Variants in PUDP observed in about 807,000 individuals in gnomAD.
PUDP encodes pseudouridine-5'-phosphatase.
PUDP carries 8 observed loss-of-function variants against 9.4 expected under a neutral mutation model. That is an observed-to-expected ratio of 0.85 (90% confidence interval 0.50 to 1.53). PUDP has a LOEUF of 1.53. Ranked by LOEUF, PUDP falls within the 40% of genes most tolerant of loss-of-function variation. The pLI, the probability that PUDP is intolerant of heterozygous loss-of-function variation, is 0.00. For missense variants in PUDP, 188 were observed against 189.7 expected (o/e 0.99, Z 0.05); for synonymous variants, 99 against 80.7 (o/e 1.23, Z -1.22).
intron 1 of PUDP, among the ~76,000 whole-genome samples, chrX:7,003,082 A>G (rs1929350033): frequency 8.9e-6 from 1 of 112,079 alleles, no homozygotes; most frequent in Non-Finnish European, 1.9e-5. Flanking sequence ...GTGGGACTGG[A>G]TATTCCAATT....
intron 2 of PUDP, among the ~76,000 whole-genome samples, chrX:7,098,383 G>A (rs1931633693): frequency 9.0e-6 from 1 of 111,630 alleles, no homozygotes; most frequent in Admixed American, 9.4e-5. Context: ...AGGTGACAGA[G>A]GAATGGAAGA....
chrX:6,781,557 T>G (rs1925563212), intron 3 of PUDP, among the ~76,000 whole-genome samples: 1 of 112,278 alleles, frequency 8.9e-6, no homozygotes, highest in Non-Finnish European at 1.9e-5. Flanking sequence ...GTTTTTGAGC[T>G]GCCTACACCT....
chrX:6,747,030 CAA>C (rs1925007901), intron 3 of PUDP, among the ~76,000 whole-genome samples: 2 of 111,476 alleles, frequency 1.8e-5, no homozygotes, highest in Admixed American at 1.9e-4. Flanking sequence ...ACATTCCCAC[CAA>C]GAGTGTAAAA....
At chrX:6,817,446 A>T (rs1926270204) in intron 3 of PUDP, among the ~76,000 whole-genome samples, 1 of 111,520 alleles carries the variant, frequency 9.0e-6, no homozygotes, top group African/African-American at 3.3e-5. Context: ...CAATTATCAA[A>T]CTATCTCCAA....
Position 7,050,394 on chromosome X carries a change from C to T in PUDP, c.589G>A (p.Gly197Arg), listed in dbSNP as rs755837037. 5.0e-6 allele frequency: 6 copies of T among 1,211,087 alleles called. No homozygotes were observed. In the Admixed American group the frequency reaches 6.5e-5, roughly 13 times the overall value. Residue 197 changes from glycine to arginine, a missense_variant, in exon 4 of 4, where the codon GGA becomes AGA. Physicochemically the swap from Gly to Arg is moderately radical, Grantham distance 125. Transcript: ENST00000381077. ...AGMQVVMVPD[G>R]NLSRDLTTKA... ...GTTGTCAGATCTCGGCTCAAGTTTC[C>T]GTCAGGAACCATGACCACCTGCATC...
intron 3 of PUDP, among the ~76,000 whole-genome samples, chrX:6,900,351 A>T (rs1439515370): frequency 2.0e-5 from 2 of 102,283 alleles, no homozygotes; most frequent in African/African-American, 7.3e-5. Flanking sequence ...TGCTACTGGC[A>T]TCTGGTGGGT....
chrX:7,146,916 T>C (rs1011818159), intron 1 of PUDP, among the ~76,000 whole-genome samples: 1 of 105,966 alleles, frequency 9.4e-6, no homozygotes, highest in Non-Finnish European at 1.9e-5. Flanking sequence ...GAAGGAATGA[T>C]ATACGTAACC....
intron 3 of PUDP, among the ~76,000 whole-genome samples, chrX:6,758,707 C>T (rs1037473686): frequency 1.8e-5 from 2 of 111,211 alleles, no homozygotes; most frequent in African/African-American, 6.5e-5. Flanking sequence ...TGTATTAAGG[C>T]AGAGCCCTCA....
chrX:6,986,198 C>T (rs1456617971), intron 1 of PUDP, among the ~76,000 whole-genome samples: 3 of 112,161 alleles, frequency 2.7e-5, no homozygotes, highest in Middle Eastern at 9.2e-3. Context: ...GCTGACCTGT[C>T]GATGATCAGA....
rs529060310 is a variant in PUDP, at chrX:6,799,704, G to A, written c.*248-93238C>T. 3.0e-4 allele frequency among the ~76,000 whole-genome samples: 34 copies of A among 111,479 alleles called. No individual in the cohort carries two copies. In the South Asian group the frequency reaches 0.012, roughly 39 times the overall value. On this transcript the variant is annotated intron_variant and NMD_transcript_variant, in intron 3 of 3. Coordinates refer to the PUDP transcript ENST00000655425. ...AATACAAAATTAGCCAGACGTGGTG[G>A]TGCATGCCTGTAATCCCAGCTACCA...
chrX:6,937,304 A>T (rs867980627), intron 3 of PUDP, among the ~76,000 whole-genome samples: 2,908 of 101,582 alleles, frequency 0.029, 126 homozygotes, highest in African/African-American at 0.1. Context: ...ATGGAACAGA[A>T]CAGAGCCCTC....
chrX:6,807,624 C>T (rs764317626), intron 3 of PUDP, among the ~76,000 whole-genome samples: 12 of 111,801 alleles, frequency 1.1e-4, no homozygotes, highest in African/African-American at 3.9e-4. Flanking sequence ...ACCTGGCTTG[C>T]CGTCGGAGGG....
chrX:7,055,681 C>G (rs1930221796), intron 3 of PUDP, among the ~76,000 whole-genome samples: 1 of 112,079 alleles, frequency 8.9e-6, no homozygotes, highest in Non-Finnish European at 1.9e-5. Flanking sequence ...AGAATGTTCA[C>G]AGCATGGCTG....
chrX:6,757,426 G>A (rs1407647777), intron 3 of PUDP, among the ~76,000 whole-genome samples: 1 of 110,737 alleles, frequency 9.0e-6, no homozygotes, highest in Non-Finnish European at 1.9e-5. Context: ...TTTCATGGGT[G>A]TGGGGGTGGG....
chrX:7,110,224 G>A (rs1932004412), intron 1 of PUDP, among the ~76,000 whole-genome samples: 1 of 112,589 alleles, frequency 8.9e-6, no homozygotes, highest in South Asian at 3.6e-4. Flanking sequence ...TGTGCCTGGA[G>A]GAAGTCTAGG....
intron 3 of PUDP, among the ~76,000 whole-genome samples, chrX:6,803,728 C>T (rs1352201552): frequency 1.8e-5 from 2 of 111,967 alleles, no homozygotes; most frequent in Admixed American, 9.5e-5. Context: ...CTATTTTACA[C>T]CACTGAGGAA....
At chrX:7,129,032 G>A (rs1248433672) in intron 1 of PUDP, among the ~76,000 whole-genome samples, 1 of 111,933 alleles carries the variant, frequency 8.9e-6, no homozygotes, top group Non-Finnish European at 1.9e-5. Context: ...TCCTGCAGGT[G>A]AAATTACAAG....
chrX:6,970,747 C>T (rs1378962287), intron 3 of PUDP, among the ~76,000 whole-genome samples: 1 of 111,422 alleles, frequency 9.0e-6, no homozygotes, highest in Non-Finnish European at 1.9e-5. Flanking sequence ...GAGAGGACTG[C>T]CTGTATGATG....
intron 3 of PUDP, among the ~76,000 whole-genome samples, chrX:6,739,735 C>T (rs1042087246): frequency 8.9e-6 from 1 of 111,973 alleles, no homozygotes; most frequent in African/African-American, 3.2e-5. Flanking sequence ...ACAAATATTC[C>T]CTCTCTTCTC....
Sources: gnomAD v4.1 joint callset for allele counts (sites outside exome capture counted in the v4.1 genomes callset) on GRCh38, gnomAD v4.1.1 for gene constraint, MANE v1.5 for transcripts, NCBI Gene and HGNC (gene_info 2026-07-23, HGNC 2026-07-21) for gene names.